Variants in HLCS observed in about 807,000 individuals in gnomAD.
HLCS encodes biotin--protein ligase.
A neutral mutation model predicts 75.0 loss-of-function variants in HLCS; 53 were observed. The observed-to-expected ratio is 0.71, with a 90% confidence interval of 0.57 to 0.89. The LOEUF (loss-of-function observed/expected upper bound fraction) is 0.89. HLCS is among the 40% of genes least tolerant of loss of function. The pLI is 0.00. For synonymous variants in HLCS, 431 were observed against 428.6 expected, an observed-to-expected ratio of 1.01 and a Z score of -0.07; for missense variants, 966 against 1,074.0, an observed-to-expected ratio of 0.90 and a Z score of 1.41.
Position 36,981,395 on chromosome 21 carries a change from C to CTTTTT in HLCS, c.-393+8758_-393+8762dup, listed in dbSNP as rs11328067. 2.5e-3 allele frequency among the ~76,000 whole-genome samples: 225 copies of CTTTTT among 91,304 alleles called. 3 individuals are homozygous for CTTTTT. The highest frequency in any genetic ancestry group is 8.2e-3 in the East Asian group (23 of 2,818). 59.9% of individuals were successfully genotyped at this position (91,304 alleles called of 152,430 possible). ...ATTAATCTATTAACTCTTAACCTTC[C>CTTTTT]TTTTTTTTTTTTTTTTTTTTTTTGA... On this transcript the variant is annotated intron_variant, in intron 1 of 11. Transcript: ENST00000336648.
At chr21:36,805,617 G>A (rs939953306) in intron 6 of HLCS, among the ~76,000 whole-genome samples, 8 of 152,144 alleles carry the variant, frequency 5.3e-5, no homozygotes, top group African/African-American at 1.9e-4. Context: ...TGGTCCTCCC[G>A]AGTCCTCCCA....
At chr21:36,871,498 C>A (rs571227281) in intron 6 of HLCS, among the ~76,000 whole-genome samples, 8 of 152,100 alleles carry the variant, frequency 5.3e-5, no homozygotes, top group African/African-American at 1.9e-4. Flanking sequence ...CTTTATCAGG[C>A]TACCATGACA....
chr21:36,782,094 T>C (rs981507680), intron 6 of HLCS, among the ~76,000 whole-genome samples: 4 of 152,222 alleles, frequency 2.6e-5, no homozygotes, highest in Non-Finnish European at 2.9e-5. Flanking sequence ...AATTTCTGCA[T>C]TGATGCTCAT....
chr21:36,987,058 C>G (rs766492545), intron 1 of HLCS, among the ~76,000 whole-genome samples: 9 of 152,232 alleles, frequency 5.9e-5, no homozygotes, highest in Non-Finnish European at 1.2e-4. Flanking sequence ...GGAGCCCCAT[C>G]AAGCTGACCC....
At chr21:36,966,700 CCCGCCCCGGCCGGAAGGGCCGCG>C, upstream of HLCS, 1 of 859,140 alleles carries the variant, frequency 1.2e-6, no homozygotes, top group Non-Finnish European at 1.4e-6. Context: ...CAGGCCCGGC[CCCGCCCCGGCCGGAAGGGCCGCG>C]CCGCCCCCCC....
chr21:36,964,679 T>A (rs2068474185), intron 1 of HLCS, among the ~76,000 whole-genome samples: 1 of 152,170 alleles, frequency 6.6e-6, no homozygotes, highest in African/African-American at 2.4e-5. Context: ...CCACTCCTAC[T>A]CCGGCCTGCA....
At chr21:36,916,843 T>C (rs928574155) in intron 5 of HLCS, among the ~76,000 whole-genome samples, 3 of 151,862 alleles carry the variant, frequency 2.0e-5, no homozygotes, top group Non-Finnish European at 2.9e-5. Flanking sequence ...AAACAAATAC[T>C]CCCCGGGCCA....
chr21:36,866,551 A>G (rs542541864), intron 6 of HLCS, among the ~76,000 whole-genome samples: 125 of 152,306 alleles, frequency 8.2e-4, no homozygotes, highest in Non-Finnish European at 1.4e-3. Context: ...CCAGTCTAGG[A>G]AAGGTGGAGT....
chr21:36,759,967 G>A (rs1321886143), intron 8 of HLCS, 126 bp from the exon 9 acceptor site: 3 of 734,792 alleles, frequency 4.1e-6, no homozygotes, highest in African/African-American at 3.5e-5. Context: ...TCTTTTTCAG[G>A]CAGCTAATCA....
At chr21:36,989,349 A>T (rs538324424) in intron 1 of HLCS, among the ~76,000 whole-genome samples, 1 of 105,038 alleles carries the variant, frequency 9.5e-6, no homozygotes, top group African/African-American at 3.8e-5. Flanking sequence ...AATGAGACGG[A>T]GTTCGCTCTT....
At chr21:36,979,433 C>A (rs903261050) in intron 1 of HLCS, among the ~76,000 whole-genome samples, 4 of 152,122 alleles carry the variant, frequency 2.6e-5, no homozygotes, top group Admixed American at 1.3e-4. Flanking sequence ...GGAACTAGCT[C>A]CTTTGTTTTC....
At chr21:36,859,195 G>A (rs1030826206) in intron 6 of HLCS, among the ~76,000 whole-genome samples, 42 of 152,070 alleles carry the variant, frequency 2.8e-4, no homozygotes, top group Admixed American at 2.6e-3. Context: ...GCTAATTGTT[G>A]TATTTTTAGT....
intron 6 of HLCS, among the ~76,000 whole-genome samples, chr21:36,785,162 T>C (rs2060649623): frequency 6.6e-6 from 1 of 151,856 alleles, no homozygotes. Flanking sequence ...CCTTCCTCTT[T>C]CCCTCTCTCG....
chr21:36,965,016 T>C (rs1461560379), intron 1 of HLCS, among the ~76,000 whole-genome samples: 1 of 152,212 alleles, frequency 6.6e-6, no homozygotes, highest in Non-Finnish European at 1.5e-5. Flanking sequence ...GTGTCAGTTA[T>C]GTGGAGGTGG....
intron 5 of HLCS, among the ~76,000 whole-genome samples, chr21:36,916,603 C>T (rs2065944775): frequency 6.8e-6 from 1 of 147,814 alleles, no homozygotes; most frequent in African/African-American, 2.5e-5. Context: ...AACACCTGGA[C>T]TCAAGCGATC....
At chr21:36,894,162 T>C (rs1419495185) in intron 6 of HLCS, among the ~76,000 whole-genome samples, 4 of 152,166 alleles carry the variant, frequency 2.6e-5, no homozygotes, top group Non-Finnish European at 5.9e-5. Context: ...GCTCCCATCA[T>C]GTAGGACGTG....
In HLCS at chr21:36,979,890, A is replaced by AC. The variant is rs1199569322; in HGVS notation, c.-393+10267dup. On this transcript the variant is annotated intron_variant, in intron 1 of 11. Coordinates refer to the HLCS transcript ENST00000336648. ...GGCAACATGGTGAAACCACATCTCT[A>AC]CAAAAGTAAAGAAAATTAGCCAGGC... is the stretch of plus-strand genomic sequence containing the variant. Among the ~76,000 whole-genome samples, 3 of 151,936 alleles carry AC rather than the reference A, an allele frequency of 2.0e-5. No individual in the cohort carries two copies. In the East Asian group the frequency reaches 5.8e-4, roughly 29 times the overall value.
At chr21:36,894,445 AC>A (rs1259492364) in intron 6 of HLCS, among the ~76,000 whole-genome samples, 1 of 152,074 alleles carries the variant, frequency 6.6e-6, no homozygotes, top group African/African-American at 2.4e-5. Flanking sequence ...CATCAAGATG[AC>A]CTCTTCAAAT....
intron 5 of HLCS, among the ~76,000 whole-genome samples, chr21:36,917,210 G>A (rs934614468): frequency 3.9e-5 from 6 of 152,146 alleles, no homozygotes; most frequent in Non-Finnish European, 4.4e-5. Context: ...GCTGTTAATC[G>A]TGGAATCATC....
Sources: allele counts gnomAD v4.1 joint callset (sites outside exome capture counted in the v4.1 genomes callset), GRCh38; gene constraint gnomAD v4.1.1; transcripts MANE v1.5; gene names NCBI Gene and HGNC (gene_info 2026-07-23, HGNC 2026-07-21).